Variants in PAX3 observed in about 807,000 individuals in gnomAD.
The protein encoded by PAX3 is paired box protein Pax-3.
In PAX3, 14 loss-of-function variants were observed where a neutral mutation model predicts 51.6. The observed-to-expected ratio is 0.27, with a 90% CI of 0.18 to 0.42. The LOEUF (loss-of-function observed/expected upper bound fraction) is 0.42. Among genes scored for constraint, PAX3 ranks in the 10% least tolerant of loss-of-function variants. The probability of loss-of-function intolerance (pLI) is 1.00; values close to 1 mark genes in which losing one functional copy is unlikely to be tolerated. For missense variants in PAX3, 540 were observed against 642.8 expected, an observed-to-expected ratio of 0.84 and a Z score of 1.73; for synonymous variants, 280 against 253.4, an observed-to-expected ratio of 1.11 and a Z score of -1.00.
intron 5 of PAX3, chr2:222,221,684 C>T: frequency 2.6e-6 from 1 of 380,408 alleles, no homozygotes; most frequent in Middle Eastern, 8.3e-4. Flanking sequence ...CAGGAACTCC[C>T]CTCCCTACCC....
chr2:222,294,159 C>T lies in PAX3; in HGVS notation c.586+8G>A. The T allele has an allele frequency of 6.2e-7, 1 of 1,614,230 alleles. No individual in the cohort carries two copies. The highest frequency in any genetic ancestry group is 8.5e-7 in the Non-Finnish European group (1 of 1,180,016). The stretch of plus-strand genomic sequence containing the variant: ...AGCAAGTGCGCCGCCCAAGGCGCCA[C>T]CGCTTACCTCGCTCGCTCAGGATGC... On this transcript the variant is annotated splice_region_variant and intron_variant, in intron 4 of 8. Coordinates refer to ENST00000392070, the MANE Select transcript of PAX3 (RefSeq NM_181458.4).
rs755572095 is a variant in PAX3 at position 222,295,520 on chromosome 2, C to T, written c.451+8G>A. 2.5e-6 allele frequency: 4 copies of T among 1,614,068 alleles called. No homozygotes were observed. The African/African-American group carries it at 4.0e-5, about 16-fold the overall frequency. On this transcript the variant is annotated splice_region_variant and intron_variant, in intron 3 of 8. Transcript: ENST00000392070. ...CGCGCCTCGGGGAGAGGTTAATGGGCCTAGTACCTGACGGCACGGTGTTTC... is the reference window on the plus strand; with the variant it reads ...CGCGCCTCGGGGAGAGGTTAATGGGTCTAGTACCTGACGGCACGGTGTTTC...
chr2:222,201,524 G>A (rs191814651), intron 8 of PAX3, 82 bp from the exon 9 acceptor site: 2 of 1,548,326 alleles, frequency 1.3e-6, no homozygotes, highest in East Asian at 4.5e-5. Flanking sequence ...GGCTGACAAT[G>A]TCATATTTAA....
chr2:222,294,285 G>A lies in PAX3; in HGVS notation c.468C>T (p.Arg156=). The part of the protein sequence containing the change: ...NTVPSVSSIS[R]ILRSKFGKGE... ...CTTTCCCGAATTTACTTCTCAGGATGCGGCTGATGGAACTCACTGGGGGCG... is the reference window on the plus strand; with the variant it reads ...CTTTCCCGAATTTACTTCTCAGGATACGGCTGATGGAACTCACTGGGGGCG... Residue 156 remains arginine (R), a synonymous_variant, in exon 4 of 9, where the codon CGC becomes CGT. Coordinates refer to ENST00000392070, the MANE Select transcript of PAX3 (RefSeq NM_181458.4). 6.2e-6 allele frequency: 10 copies of A among 1,614,222 alleles called. No individual in the cohort carries two copies. Among genetic ancestry groups the A allele is most frequent in the Non-Finnish European group, 8.5e-6 (10 of 1,180,048 alleles).
At chr2:222,227,866 A>C (rs900072616) in intron 5 of PAX3, among the ~76,000 whole-genome samples, 2 of 152,190 alleles carry the variant, frequency 1.3e-5, no homozygotes, top group Non-Finnish European at 2.9e-5. Flanking sequence ...TATATAAAAC[A>C]CTGACAGAGG....
At chr2:222,262,810 T>C (rs1693914144) in intron 4 of PAX3, 1 of 152,066 alleles carries the variant, frequency 6.6e-6, no homozygotes, top group East Asian at 1.9e-4. Flanking sequence ...AACAGACAAT[T>C]CAGAAACAAC....
rs759181003 is a variant in PAX3 at position 222,294,189 on chromosome 2, G to T, written c.564C>A (p.Ile188=). 2.5e-6 allele frequency: 4 copies of T among 1,614,194 alleles called. No individual in the cohort carries two copies. The highest frequency in any genetic ancestry group is 1.3e-5 in the African/African-American group (1 of 75,022). ...EESEKKAKHS[I]DGILSERASA... Reference sequence around the variant, plus strand: ...TACCTCGCTCGCTCAGGATGCCGTCGATGCTGTGTTTGGCCTTCTTCTCGC... The same window carrying T: ...TACCTCGCTCGCTCAGGATGCCGTCTATGCTGTGTTTGGCCTTCTTCTCGC... The change falls in exon 4 of 9, where the codon ATC becomes ATA. Residue 188 remains isoleucine, a synonymous_variant. Transcript: ENST00000392070.
At chr2:222,221,949 G>A (rs920572980) in intron 5 of PAX3, among the ~76,000 whole-genome samples, 13 of 151,588 alleles carry the variant, frequency 8.6e-5, no homozygotes, top group Admixed American at 3.9e-4. Context: ...CACTGATCTC[G>A]GTGGAAATAA....
intron 4 of PAX3, among the ~76,000 whole-genome samples, chr2:222,272,611 G>A (rs1694292931): frequency 6.6e-6 from 1 of 152,130 alleles, no homozygotes; most frequent in Admixed American, 6.5e-5. Flanking sequence ...TCCTTCCCTT[G>A]GAACTCTTCC....
chr2:222,280,176 A>G (rs1694587906), intron 4 of PAX3, among the ~76,000 whole-genome samples: 1 of 151,818 alleles, frequency 6.6e-6, no homozygotes, highest in African/African-American at 2.4e-5. Flanking sequence ...GTGCTGTTGC[A>G]CTGCAGCCTG....
At chr2:222,216,559 T>C (rs1691966292) in intron 7 of PAX3, among the ~76,000 whole-genome samples, 1 of 152,172 alleles carries the variant, frequency 6.6e-6, no homozygotes, top group Non-Finnish European at 1.5e-5. Flanking sequence ...CACCAGCCCC[T>C]CATGAAGCTG....
intron 4 of PAX3, chr2:222,264,405 C>CA (rs1339329973): frequency 2.0e-5 from 3 of 152,150 alleles, no homozygotes; most frequent in Non-Finnish European, 2.9e-5. Flanking sequence ...GATTGGGAAG[C>CA]AATTGCTTAA....
chr2:222,265,528 C>A (rs1481957457), intron 4 of PAX3, among the ~76,000 whole-genome samples: 1 of 152,092 alleles, frequency 6.6e-6, no homozygotes, highest in Non-Finnish European at 1.5e-5. Context: ...TGGTGGGCGC[C>A]TGTAGTCCTA....
At chr2:222,243,943 T>A (rs1462524044) in intron 4 of PAX3, among the ~76,000 whole-genome samples, 1 of 152,162 alleles carries the variant, frequency 6.6e-6, no homozygotes, top group Non-Finnish European at 1.5e-5. Context: ...TCAGAAATCA[T>A]GCTTGGGATA....
chr2:222,226,238 A>C (rs1004656528), intron 5 of PAX3, among the ~76,000 whole-genome samples: 6 of 152,232 alleles, frequency 3.9e-5, no homozygotes, highest in Non-Finnish European at 7.3e-5. Context: ...TGACATGCCA[A>C]GTACAGTACT....
intron 4 of PAX3, among the ~76,000 whole-genome samples, chr2:222,282,002 C>G (rs1221325591): frequency 1.3e-5 from 2 of 152,146 alleles, no homozygotes; most frequent in African/African-American, 4.8e-5. Context: ...ACATTCCGGG[C>G]CTGGCAGCAA....
chr2:222,275,972 T>A (rs1315454140), intron 4 of PAX3, among the ~76,000 whole-genome samples: 1 of 151,852 alleles, frequency 6.6e-6, no homozygotes, highest in Non-Finnish European at 1.5e-5. Context: ...GGGCGTTAAT[T>A]TAAGATATGA....
chr2:222,231,116 T>A (rs943348610), intron 5 of PAX3, among the ~76,000 whole-genome samples: 1 of 152,130 alleles, frequency 6.6e-6, no homozygotes, highest in Non-Finnish European at 1.5e-5. Context: ...AAGAGGCTAT[T>A]TCTGTAAAAT....
At chr2:222,266,240 C>T (rs1408200051) in intron 4 of PAX3, among the ~76,000 whole-genome samples, 1 of 152,162 alleles carries the variant, frequency 6.6e-6, no homozygotes, top group Non-Finnish European at 1.5e-5. Context: ...CTCAGGAATT[C>T]ATATGTGCAA....
Sources: allele counts gnomAD v4.1 joint callset (sites outside exome capture counted in the v4.1 genomes callset), GRCh38; gene constraint gnomAD v4.1.1; transcripts MANE v1.5; gene names NCBI Gene and HGNC (gene_info 2026-07-23, HGNC 2026-07-21).